HCRTR2: variants seen among roughly 807,000 people sequenced by gnomAD.
HCRTR2 encodes the protein hypocretin receptor 2, also known as orexin receptor type 2.
HCRTR2 carries 22 observed loss-of-function variants against 49.0 expected under a neutral mutation model. The observed-to-expected ratio is 0.45, with a 90% confidence interval of 0.32 to 0.64. The LOEUF (loss-of-function observed/expected upper bound fraction) is 0.64, where lower values mean the gene tolerates loss of function less well. HCRTR2 is among the 30% of genes least tolerant of loss of function. The pLI, the probability that HCRTR2 is intolerant of heterozygous loss-of-function variation, is 0.04. For missense variants in HCRTR2, 491 were observed against 559.4 expected, an observed-to-expected ratio of 0.88 and a Z score of 1.23; for synonymous variants, 236 against 205.3, an observed-to-expected ratio of 1.15 and a Z score of -1.28.
chr6:55,208,511 A>T (rs1581830615), intron 1 of HCRTR2, among the ~76,000 whole-genome samples: 1 of 152,038 alleles, frequency 6.6e-6, no homozygotes, highest in Non-Finnish European at 1.5e-5. Flanking sequence ...AAATAAAAAA[A>T]AAAAGAATGA....
chr6:55,206,551 T>A (rs1266636726), intron 1 of HCRTR2, among the ~76,000 whole-genome samples: 1 of 151,314 alleles, frequency 6.6e-6, no homozygotes, highest in Non-Finnish European at 1.5e-5. Context: ...GATTTTTTTT[T>A]ATGAGTGCAA....
chr6:55,149,286 A>G (rs1309423493), intron 1 of HCRTR2, among the ~76,000 whole-genome samples: 3 of 152,150 alleles, frequency 2.0e-5, no homozygotes, highest in Non-Finnish European at 4.4e-5. Flanking sequence ...GTATTTCAAA[A>G]GAAGTCATCA....
At chr6:55,168,450 T>A (rs1195620470) in intron 1 of HCRTR2, among the ~76,000 whole-genome samples, 1 of 152,208 alleles carries the variant, frequency 6.6e-6, no homozygotes, top group African/African-American at 2.4e-5. Flanking sequence ...AAAAGCGTAT[T>A]TCTGGAATTG....
At chr6:55,277,245 T>C (rs1029506026) in intron 4 of HCRTR2, 135 bp from the exon 5 acceptor site, 19 of 724,784 alleles carry the variant, frequency 2.6e-5, no homozygotes, top group Non-Finnish European at 4.7e-5. Flanking sequence ...GCAAATGCTC[T>C]GGAGAAACAG....
intron 1 of HCRTR2, among the ~76,000 whole-genome samples, chr6:55,155,484 T>C (rs1041827058): frequency 6.6e-6 from 1 of 151,944 alleles, no homozygotes; most frequent in African/African-American, 2.4e-5. Flanking sequence ...ATTCACATCA[T>C]TACTAGCAAT....
At chr6:55,159,336 C>G (rs903864598) in intron 1 of HCRTR2, among the ~76,000 whole-genome samples, 4 of 151,680 alleles carry the variant, frequency 2.6e-5, no homozygotes, top group Non-Finnish European at 5.9e-5. Flanking sequence ...ATCTGAAGGT[C>G]ACCAACACCA....
chr6:55,151,816 C>A (rs1764668422), intron 1 of HCRTR2, among the ~76,000 whole-genome samples: 1 of 151,484 alleles, frequency 6.6e-6, no homozygotes, highest in East Asian at 1.9e-4. Flanking sequence ...ACTTAAAAAT[C>A]AAAATGGCTC....
chr6:55,247,135 T>A (rs1273047620), intron 1 of HCRTR2, among the ~76,000 whole-genome samples: 1 of 151,874 alleles, frequency 6.6e-6, no homozygotes, highest in African/African-American at 2.4e-5. Flanking sequence ...AGGGTGGGTT[T>A]GTGTGTGTGT....
At chr6:55,170,618 T>C (rs1398364064), upstream of HCRTR2, among the ~76,000 whole-genome samples, 1 of 152,050 alleles carries the variant, frequency 6.6e-6, no homozygotes, top group African/African-American at 2.4e-5. Context: ...AGTTCTAGGG[T>C]ACATGTGCAC....
Position 55,280,940 on chromosome 6 carries a change from A to G in HCRTR2, c.1105+496A>G, listed in dbSNP as rs116679363. Among the ~76,000 whole-genome samples the G allele has an allele frequency of 2.1e-3, 318 of 152,308 alleles. 2 individuals are homozygous for G. The highest frequency in any genetic ancestry group is 6.3e-3 in the African/African-American group (261 of 41,586). On this transcript the variant is annotated intron_variant, in intron 6 of 6. Transcript: ENST00000370862. Reference sequence around the variant, plus strand: ...ACCAAAAATAGTATTACTCCAAAATAACACATAAGTTAAATGATACACACA... The same window carrying G: ...ACCAAAAATAGTATTACTCCAAAATGACACATAAGTTAAATGATACACACA...
chr6:55,250,873 C>A (rs1766536640), intron 2 of HCRTR2, among the ~76,000 whole-genome samples: 1 of 152,122 alleles, frequency 6.6e-6, no homozygotes, highest in African/African-American at 2.4e-5. Flanking sequence ...AGGGAAAAAA[C>A]TACTGGGTAA....
At chr6:55,140,051 A>G (rs2127252301) in intron 1 of HCRTR2, among the ~76,000 whole-genome samples, 1 of 152,300 alleles carries the variant, frequency 6.6e-6, no homozygotes. Context: ...CGGGATATGA[A>G]CACACCCATG....
At chr6:55,197,372 G>A (rs1187533108) in intron 1 of HCRTR2, among the ~76,000 whole-genome samples, 3 of 151,944 alleles carry the variant, frequency 2.0e-5, no homozygotes, top group Non-Finnish European at 1.5e-5. Context: ...TTCCCACCCT[G>A]ACTCTGACTC....
At chr6:55,227,196 T>G (rs1562013854) in intron 1 of HCRTR2, among the ~76,000 whole-genome samples, 1 of 152,150 alleles carries the variant, frequency 6.6e-6, no homozygotes, top group Non-Finnish European at 1.5e-5. Flanking sequence ...GCCAAAATTA[T>G]GCATTATGTT....
At chr6:55,189,149 T>A (rs1765273646) in intron 1 of HCRTR2, among the ~76,000 whole-genome samples, 1 of 152,150 alleles carries the variant, frequency 6.6e-6, no homozygotes, top group African/African-American at 2.4e-5. Flanking sequence ...TCTGGCCCAG[T>A]CTTGTCTGTA....
intron 1 of HCRTR2, among the ~76,000 whole-genome samples, chr6:55,212,732 A>T (rs574966099): frequency 6.6e-6 from 1 of 152,316 alleles, no homozygotes; most frequent in East Asian, 1.9e-4. Flanking sequence ...ACCCTGAGAC[A>T]TAATTTATCT....
intron 1 of HCRTR2, among the ~76,000 whole-genome samples, chr6:55,247,610 G>T (rs1318951912): frequency 1.3e-5 from 2 of 152,056 alleles, no homozygotes; most frequent in Non-Finnish European, 1.5e-5. Flanking sequence ...TAGATGTGAT[G>T]GCAGCGTGTA....
intron 1 of HCRTR2, among the ~76,000 whole-genome samples, chr6:55,224,594 G>T (rs1471194102): frequency 6.6e-6 from 1 of 150,898 alleles, no homozygotes; most frequent in Admixed American, 6.6e-5. Flanking sequence ...CTGAACTCCA[G>T]CCTGGGCTAC....
intron 1 of HCRTR2, among the ~76,000 whole-genome samples, chr6:55,156,166 C>T (rs1235905401): frequency 1.3e-5 from 2 of 151,482 alleles, no homozygotes; most frequent in Non-Finnish European, 3.0e-5. Context: ...ATTATTGGAA[C>T]ATGAATGGAA....
Sources: gnomAD v4.1 joint callset for allele counts (sites outside exome capture counted in the v4.1 genomes callset) on GRCh38, gnomAD v4.1.1 for gene constraint, MANE v1.5 for transcripts, NCBI Gene and HGNC (gene_info 2026-07-23, HGNC 2026-07-21) for gene names.